The following EHD1 variants were observed in gnomAD, a reference collection of about 807,000 sequenced individuals.
EHD1 encodes EH domain-containing protein 1.
EHD1 carries 19 observed loss-of-function variants against 39.0 expected under a neutral mutation model. That is an observed-to-expected ratio of 0.49 (90% CI 0.34 to 0.72). The LOEUF (loss-of-function observed/expected upper bound fraction) is 0.72. Among genes scored for constraint, EHD1 ranks in the 30% least tolerant of loss-of-function variants. The pLI is 0.01. For missense variants in EHD1, 542 were observed against 751.5 expected, an observed-to-expected ratio of 0.72 and a Z score of 3.26; for synonymous variants, 323 against 331.2, an observed-to-expected ratio of 0.98 and a Z score of 0.27.
intron 3 of EHD1, chr11:64,856,557 T>C (rs1943655648): frequency 6.6e-6 from 1 of 152,232 alleles, no homozygotes; most frequent in Non-Finnish European, 1.5e-5. Flanking sequence ...CCAAGTCGTG[T>C]CCAGCCACAG....
chr11:64,875,682 T>C (rs1042938893), intron 1 of EHD1: 1 of 152,320 alleles, frequency 6.6e-6, no homozygotes, highest in African/African-American at 2.4e-5. Flanking sequence ...GATCAGCTTC[T>C]CCCTTTGGCC....
chr11:64,854,875 A>C lies in EHD1; in HGVS notation c.1081-18T>G. ...AGGAGTTCCTGTGGGCGGGGGAGGA[A>C]GGACAAGGGCTGGGAAGGGAGGCCC... On this transcript the variant is annotated intron_variant, in intron 4 of 4. Transcript: ENST00000320631. 1 of 1,593,960 alleles carries C rather than the reference A, an allele frequency of 6.3e-7. No homozygotes were observed. Among genetic ancestry groups the C allele is most frequent in the Non-Finnish European group, 8.5e-7 (1 of 1,175,828 alleles).
At chr11:64,855,584 C>G in intron 3 of EHD1, 98 bp from the exon 4 acceptor site, 1 of 1,558,350 alleles carries the variant, frequency 6.4e-7, no homozygotes, top group South Asian at 1.1e-5. Context: ...AAGGTGCTCG[C>G]TCAGGAACAG....
rs188912152 is a variant in EHD1 at position 64,869,137 on chromosome 11, C to T, written c.502+5284G>A. Among the ~76,000 whole-genome samples, 86 of 152,366 alleles carry T rather than the reference C, an allele frequency of 5.6e-4. 1 individual carries two copies. Among genetic ancestry groups the T allele is most frequent in the African/African-American group, 2.0e-3 (85 of 41,584 alleles). On this transcript the variant is annotated intron_variant, in intron 2 of 4. Coordinates refer to ENST00000320631, the MANE Select transcript of EHD1 (RefSeq NM_006795.4). Reference sequence around the variant, plus strand: ...AAATGCATGAAGAATGCCTCATCCCCCAAATATAAACGGAATGTTTGCAGG... The same window carrying T: ...AAATGCATGAAGAATGCCTCATCCCTCAAATATAAACGGAATGTTTGCAGG...
rs1051093740 is a variant in EHD1 at position 64,853,847 on chromosome 11, G to C, written c.*486C>G. ...AAGAACCCACTTCGCCCGAGAGCAC[G>C]GGGGAGGCAGAGCCAGGTGAGGAAG... is the stretch of plus-strand genomic sequence containing the variant. On this transcript the variant is annotated 3_prime_UTR_variant, in exon 5 of 5. Coordinates refer to ENST00000320631, the MANE Select transcript of EHD1 (RefSeq NM_006795.4). The C allele has an allele frequency of 1.9e-5, 3 of 161,712 alleles. No homozygotes were observed. The highest frequency in any genetic ancestry group is 7.2e-5 in the African/African-American group (3 of 41,624). The allele number at this position is 161,712 out of a possible 1,614,324, so 10.0% of individuals were successfully genotyped here.
chr11:64,875,367 A>G (rs1373627379), intron 1 of EHD1, among the ~76,000 whole-genome samples: 1 of 152,222 alleles, frequency 6.6e-6, no homozygotes, highest in Non-Finnish European at 1.5e-5. Context: ...CCTGGCCAAC[A>G]TGGTGAAACT....
In EHD1 at chr11:64,855,376, A is replaced by C; in HGVS notation, c.1026T>G (p.Ile342Met). 3.1e-6 allele frequency: 5 copies of C among 1,614,116 alleles called. No homozygotes were observed. The highest frequency in any genetic ancestry group is 4.2e-6 in the Non-Finnish European group (5 of 1,179,998). Residue 342 changes from isoleucine to methionine, a missense_variant, in exon 4 of 5, where the codon ATT becomes ATG. Physicochemically the swap from Ile to Met is conservative, Grantham distance 10. Transcript: ENST00000320631. The part of the protein sequence containing the change: ...VNNLGEIYQK[I>M]EREHQISPGD... The stretch of plus-strand genomic sequence containing the variant: ...CAGGGGAGATCTGGTGCTCGCGCTC[A>C]ATCTTCTGGTAGATCTCTCCGAGGT...
At chr11:64,862,018 C>T (rs1943721961) in intron 2 of EHD1, among the ~76,000 whole-genome samples, 1 of 152,176 alleles carries the variant, frequency 6.6e-6, no homozygotes. Flanking sequence ...AGCCATCCCC[C>T]CCACCTTAGA....
At chr11:64,855,132 C>T in intron 4 of EHD1, 190 bp downstream of exon 4, 1 of 1,010,474 alleles carries the variant, frequency 9.9e-7, no homozygotes, top group Non-Finnish European at 1.4e-6. Context: ...GGTGAGTCAC[C>T]ACATTCCCCT....
Position 64,854,608 on chromosome 11 carries a change from C to A in EHD1, c.1330G>T (p.Asp444Tyr). The A allele has an allele frequency of 6.2e-7, 1 of 1,613,986 alleles. No homozygotes were observed. The change falls in exon 5 of 5, where the codon GAC becomes TAC. Residue 444 changes from aspartate to tyrosine, a missense_variant. By Grantham distance (160) the Asp-to-Tyr change is radical. Transcript: ENST00000320631. Reference protein sequence around the residue: ...IDDVEWVVGKDKPTYDEIFYT... With the variant: ...IDDVEWVVGKYKPTYDEIFYT... ...AAGATCTCGTCGTAGGTGGGCTTGT[C>A]CTTGCCCACCACCCACTCCACGTCG...
chr11:64,855,682 C>A, intron 3 of EHD1, 196 bp from the exon 4 acceptor site: 1 of 694,198 alleles, frequency 1.4e-6, no homozygotes, highest in Non-Finnish European at 2.4e-6. Context: ...GCAAGAGCCA[C>A]AGCTGTCCAC....
chr11:64,878,556 G>A lies in EHD1; in HGVS notation c.-92C>T, dbSNP rs1330687410. The A allele has an allele frequency of 6.8e-7, 1 of 1,467,378 alleles. No individual in the cohort carries two copies. The highest frequency in any genetic ancestry group is 9.0e-7 in the Non-Finnish European group (1 of 1,113,578). The allele number at this position is 1,467,378 out of a possible 1,614,324, so 90.9% of individuals were successfully genotyped here. A position where few individuals can be genotyped will look rare whatever the true frequency, so the allele number is the denominator to read the frequency against. ...GCCGAGGCGGGGCCGGCCGGGGCAG[G>A]GAATCGGGAGCGACCCACACTGCGC... On this transcript the variant is annotated 5_prime_UTR_variant, in exon 1 of 5. Transcript: ENST00000320631.
chr11:64,862,934 C>G (rs1229375471), intron 2 of EHD1, among the ~76,000 whole-genome samples: 1 of 152,218 alleles, frequency 6.6e-6, no homozygotes, highest in Non-Finnish European at 1.5e-5. Flanking sequence ...ACTTCTGTCC[C>G]TCCCGGTCTA....
In EHD1 at chr11:64,854,684, C is replaced by T; in HGVS notation, c.1254G>A (p.Met418Ile). The T allele has an allele frequency of 6.2e-7, 1 of 1,613,828 alleles. No homozygotes were observed. Among genetic ancestry groups the T allele is most frequent in the Non-Finnish European group, 8.5e-7 (1 of 1,179,990 alleles). The change falls in exon 5 of 5, where the codon ATG (methionine) becomes ATA (isoleucine). Residue 418 changes from methionine (M) to isoleucine (I), a missense_variant. Physicochemically the swap from Met to Ile is conservative, Grantham distance 10. Transcript: ENST00000320631. Reference protein sequence around the residue: ...VVKGGAFDGTMNGPFGHGYGE... With the variant: ...VVKGGAFDGTINGPFGHGYGE... ...CGTAGCCGTGCCCGAACGGCCCGTTCATGGTGCCGTCAAAGGCGCCGCCCT... is the reference window on the plus strand; with the variant it reads ...CGTAGCCGTGCCCGAACGGCCCGTTTATGGTGCCGTCAAAGGCGCCGCCCT...
At chr11:64,866,469 G>GA (rs1943768049) in intron 2 of EHD1, among the ~76,000 whole-genome samples, 1 of 152,082 alleles carries the variant, frequency 6.6e-6, no homozygotes, top group Non-Finnish European at 1.5e-5. Flanking sequence ...GCTGAGGCAG[G>GA]AGGACTGCTT....
intron 2 of EHD1, among the ~76,000 whole-genome samples, chr11:64,865,347 C>T (rs971354326): frequency 6.6e-6 from 1 of 152,258 alleles, no homozygotes; most frequent in Non-Finnish European, 1.5e-5. Flanking sequence ...TAACACTGAG[C>T]CACTCTCTAG....
upstream of EHD1, chr11:64,879,298 G>T (rs1304386945): frequency 4.1e-5 from 36 of 887,840 alleles, no homozygotes; most frequent in South Asian, 7.0e-4. Context: ...GGTGGGAATG[G>T]GAGAGGGACG....
At chr11:64,873,973 G>A (rs1191561421) in intron 2 of EHD1, among the ~76,000 whole-genome samples, 1 of 150,290 alleles carries the variant, frequency 6.7e-6, no homozygotes, top group Non-Finnish European at 1.5e-5. Context: ...CACCGTGCCC[G>A]GCCACATTTT....
intron 2 of EHD1, among the ~76,000 whole-genome samples, chr11:64,863,484 C>T (rs1045166262): frequency 1.3e-5 from 2 of 152,212 alleles, no homozygotes; most frequent in South Asian, 2.1e-4. Flanking sequence ...TGGTGGCATC[C>T]GCTGCTCCCA....
Sources: gnomAD v4.1 joint callset for allele counts (sites outside exome capture counted in the v4.1 genomes callset) on GRCh38, gnomAD v4.1.1 for gene constraint, MANE v1.5 for transcripts, NCBI Gene and HGNC (gene_info 2026-07-23, HGNC 2026-07-21) for gene names.